Variants in ATP11C observed in about 807,000 individuals in gnomAD.
ATP11C encodes phospholipid-transporting ATPase IG.
ATP11C carries 36 observed loss-of-function variants against 97.4 expected under a neutral mutation model. The observed-to-expected ratio is 0.37, with a 90% CI of 0.28 to 0.49. The LOEUF (loss-of-function observed/expected upper bound fraction) is 0.49, where lower values mean the gene tolerates loss of function less well. ATP11C is among the 20% of genes least tolerant of loss of function. ATP11C has a pLI of 0.98. For synonymous variants in ATP11C, 275 were observed against 290.9 expected (o/e 0.95, Z 0.56); for missense variants, 730 against 824.6 (o/e 0.89, Z 1.40).
chrX:139,843,808 G>C (rs2083868689), intron 1 of ATP11C, among the ~76,000 whole-genome samples: 1 of 108,653 alleles, frequency 9.2e-6, no homozygotes, highest in Non-Finnish European at 1.9e-5. Context: ...TTATGAAACA[G>C]TGCCTTCATA....
At chrX:139,821,587 T>C (rs1461964506) in intron 2 of ATP11C, among the ~76,000 whole-genome samples, 1 of 112,366 alleles carries the variant, frequency 8.9e-6, no homozygotes, top group African/African-American at 3.2e-5. Context: ...GGAATACTTT[T>C]GCTGTTGTCG....
Position 139,757,853 on chromosome X carries a change from A to G in ATP11C, c.2655T>C (p.Ile885=), listed in dbSNP as rs1269645617. The change falls in exon 23 of 30, where the codon ATT becomes ATC. Residue 885 remains isoleucine, a synonymous_variant. Coordinates refer to ENST00000682941, the MANE Select transcript of ATP11C (RefSeq NM_001353812.2). Reference sequence around the variant, plus strand: ...AGAACTGGTACAAAAACTGTGGCAAAATGAAACAAAGGTTCTGAAAAAAAA... The same window carrying G: ...AGAACTGGTACAAAAACTGTGGCAAGATGAAACAAAGGTTCTGAAAAAAAA... The part of the protein sequence containing the change: ...QYFFYKNLCF[I]LPQFLYQFFC... The G allele has an allele frequency of 1.7e-6, 2 of 1,182,489 alleles. No individual in the cohort carries two copies. Among genetic ancestry groups the G allele is most frequent in the Non-Finnish European group, 2.3e-6 (2 of 879,111 alleles).
intron 1 of ATP11C, among the ~76,000 whole-genome samples, chrX:139,831,810 C>G (rs1211178912): frequency 9.0e-6 from 1 of 111,539 alleles, no homozygotes; most frequent in African/African-American, 3.3e-5. Context: ...AACTCAACTT[C>G]CCTTATTAAC....
At chrX:139,870,212 A>G (rs5953794) in intron 1 of ATP11C, among the ~76,000 whole-genome samples, 6,578 of 111,878 alleles carry the variant, frequency 0.059, 451 homozygotes, top group African/African-American at 0.2. Flanking sequence ...ATCAATTATA[A>G]TTCAATAAAG....
intron 1 of ATP11C, among the ~76,000 whole-genome samples, chrX:139,890,572 T>C (rs1356280149): frequency 9.0e-6 from 1 of 111,559 alleles, no homozygotes; most frequent in Admixed American, 9.5e-5. Context: ...TTAAGTACCA[T>C]TATCAGAGCC....
intron 1 of ATP11C, among the ~76,000 whole-genome samples, chrX:139,869,017 G>A (rs1294515244): frequency 8.9e-6 from 1 of 112,351 alleles, no homozygotes; most frequent in Non-Finnish European, 1.9e-5. Flanking sequence ...TAACACTGTT[G>A]GTGGGAATGT....
In ATP11C at chrX:139,930,166, G is replaced by C. The variant is rs186967125; in HGVS notation, c.27+1850C>G. Among the ~76,000 whole-genome samples the C allele has an allele frequency of 3.4e-3, 375 of 111,106 alleles. 3 individuals are homozygous for C. The highest frequency in any genetic ancestry group is 0.012 in the African/African-American group (352 of 30,543). ...GATTCTCTGCTGAGATCTTGGTCGG[G>C]GATGCAAAGTACTAGCCTCAAACCT... On this transcript the variant is annotated intron_variant, in intron 1 of 29. Coordinates refer to ENST00000682941, the MANE Select transcript of ATP11C (RefSeq NM_001353812.2).
At chrX:139,767,169 G>C (rs1209850829) in intron 20 of ATP11C, among the ~76,000 whole-genome samples, 1 of 111,974 alleles carries the variant, frequency 8.9e-6, no homozygotes, top group Non-Finnish European at 1.9e-5. Flanking sequence ...GTCCGAAAAA[G>C]AATGTATGAT....
intron 1 of ATP11C, among the ~76,000 whole-genome samples, chrX:139,895,451 G>GT (rs1331889501): frequency 9.0e-6 from 1 of 111,052 alleles, no homozygotes; most frequent in Non-Finnish European, 1.9e-5. Flanking sequence ...TGTATTTTTT[G>GT]TAGAGACAGG....
intron 14 of ATP11C, among the ~76,000 whole-genome samples, chrX:139,787,545 G>A (rs957285231): frequency 1.8e-5 from 2 of 112,402 alleles, no homozygotes; most frequent in Admixed American, 9.4e-5. Flanking sequence ...TGATCCACCC[G>A]CCTTGGCCTC....
At chrX:139,916,226 C>CT (rs200835307) in intron 1 of ATP11C, among the ~76,000 whole-genome samples, 11,629 of 45,133 alleles carry the variant, frequency 0.26, 753 homozygotes, top group Middle Eastern at 0.54. Context: ...AAGACTCTGT[C>CT]TTAAAAAAAA....
At chrX:139,921,120 T>C (rs758126612) in intron 1 of ATP11C, among the ~76,000 whole-genome samples, 4 of 111,691 alleles carry the variant, frequency 3.6e-5, no homozygotes, top group Non-Finnish European at 7.5e-5. Context: ...GAGATGCTAA[T>C]GACTTAGACG....
intron 1 of ATP11C, among the ~76,000 whole-genome samples, chrX:139,921,163 CACTG>C (rs1307101863): frequency 1.8e-5 from 2 of 111,512 alleles, no homozygotes; most frequent in Non-Finnish European, 3.8e-5. Flanking sequence ...AGAAAAGTGG[CACTG>C]ACTAAGCATG....
At chrX:139,850,423 G>C (rs2083971656) in intron 1 of ATP11C, among the ~76,000 whole-genome samples, 1 of 111,751 alleles carries the variant, frequency 8.9e-6, no homozygotes, top group Middle Eastern at 4.6e-3. Flanking sequence ...TCCTTGTTAT[G>C]AAGTGGCAAA....
In ATP11C at chrX:139,792,253, G is replaced by A. The variant is rs755708128; in HGVS notation, c.1207-2765C>T. Among the ~76,000 whole-genome samples the A allele has an allele frequency of 9.9e-5, 11 of 111,279 alleles. No homozygotes were observed. The South Asian group carries it at 3.8e-3, about 38-fold the overall frequency. ...GATAGCTGAACACATGAAATTTCTT[G>A]AAGGATGCCTAGAAAGGTCATGGAA... is the stretch of plus-strand genomic sequence containing the variant. On this transcript the variant is annotated intron_variant, in intron 12 of 29. Coordinates refer to ENST00000682941, the MANE Select transcript of ATP11C (RefSeq NM_001353812.2).
chrX:139,823,061 A>C (rs1195932022), intron 2 of ATP11C, among the ~76,000 whole-genome samples: 1 of 110,161 alleles, frequency 9.1e-6, no homozygotes, highest in Admixed American at 9.6e-5. Context: ...TATTAAAAAC[A>C]CAAAAAATTA....
chrX:139,901,510 G>A (rs971043926), intron 1 of ATP11C, among the ~76,000 whole-genome samples: 19 of 111,748 alleles, frequency 1.7e-4, no homozygotes, highest in African/African-American at 5.5e-4. Flanking sequence ...TGGTGGGAAG[G>A]CCCTGAACAT....
At chrX:139,909,385 G>A (rs2085033323) in intron 1 of ATP11C, among the ~76,000 whole-genome samples, 1 of 110,996 alleles carries the variant, frequency 9.0e-6, no homozygotes, top group Non-Finnish European at 1.9e-5. Flanking sequence ...CACCCGCCTC[G>A]GCTTCCCAAA....
chrX:139,798,712 C>T lies in ATP11C; in HGVS notation c.742G>A (p.Gly248Arg). 8.3e-7 allele frequency: 1 copy of T among 1,206,838 alleles called. No individual in the cohort carries two copies. Among genetic ancestry groups the T allele is most frequent in the Non-Finnish European group, 1.1e-6 (1 of 892,479 alleles). ...SLGPENLLLK[G>R]ATLKNTEKIY... ...TTCTCGGTATTTTTTAGCGTAGCTCCTTTCAGCAAGAGATTTTCAGGTCCC... is the reference window on the plus strand; with the variant it reads ...TTCTCGGTATTTTTTAGCGTAGCTCTTTTCAGCAAGAGATTTTCAGGTCCC... Residue 248 changes from glycine to arginine, a missense_variant, in exon 9 of 30, where the codon GGA becomes AGA. Transcript: ENST00000682941.
Sources: allele counts gnomAD v4.1 joint callset (sites outside exome capture counted in the v4.1 genomes callset), GRCh38; gene constraint gnomAD v4.1.1; transcripts MANE v1.5; gene names NCBI Gene and HGNC (gene_info 2026-07-23, HGNC 2026-07-21).